ZNF385D: variants seen among roughly 807,000 people sequenced by gnomAD.
The protein encoded by ZNF385D is zinc finger protein 385D.
ZNF385D carries 15 observed loss-of-function variants against 35.8 expected under a neutral mutation model. That is an observed-to-expected ratio of 0.42 (90% confidence interval 0.28 to 0.64). ZNF385D has a LOEUF of 0.64. Ranked by LOEUF, ZNF385D falls within the 30% of genes least tolerant of loss-of-function variation. The pLI, the probability that ZNF385D is intolerant of heterozygous loss-of-function variation, is 0.23. For synonymous variants in ZNF385D, 212 were observed against 186.8 expected (o/e 1.13, Z -1.10); for missense variants, 474 against 494.6 (o/e 0.96, Z 0.39).
chr3:22,169,238 TTATC>T, intron 2 of ZNF385D, among the ~76,000 whole-genome samples: 1 of 152,342 alleles, frequency 6.6e-6, no homozygotes, highest in Middle Eastern at 3.4e-3. Context: ...GTTTAACTTT[TTATC>T]TATTCCCAAT....
intron 4 of ZNF385D, among the ~76,000 whole-genome samples, chr3:21,456,574 C>T (rs711734): frequency 0.11 from 17,414 of 151,764 alleles, 1,214 homozygotes; most frequent in South Asian, 0.15. Context: ...CATCACACAC[C>T]GGGGCCTGTT....
chr3:22,205,747 T>G (rs1697107584), intron 2 of ZNF385D, among the ~76,000 whole-genome samples: 1 of 151,718 alleles, frequency 6.6e-6, no homozygotes, highest in Admixed American at 6.6e-5. Context: ...TCTAAAATAT[T>G]ATAACAGATA....
intron 4 of ZNF385D, among the ~76,000 whole-genome samples, chr3:21,474,416 G>A (rs189360286): frequency 8.4e-4 from 128 of 152,202 alleles, no homozygotes; most frequent in Admixed American, 2.4e-3. Context: ...AGAAACAAAT[G>A]TGTGCTAAAT....
chr3:21,936,266 G>C (rs1001597974), intron 3 of ZNF385D, among the ~76,000 whole-genome samples: 15 of 152,136 alleles, frequency 9.9e-5, no homozygotes, highest in Non-Finnish European at 8.8e-5. Flanking sequence ...AGAGTTTAAA[G>C]AGAGAAGATA....
intron 2 of ZNF385D, among the ~76,000 whole-genome samples, chr3:22,336,002 C>G (rs990346199): frequency 1.3e-5 from 2 of 151,898 alleles, no homozygotes; most frequent in Non-Finnish European, 2.9e-5. Context: ...TATTCAGAGT[C>G]CACTAAAACA....
At chr3:22,119,532 T>C (rs1206330675) in intron 3 of ZNF385D, among the ~76,000 whole-genome samples, 1 of 152,136 alleles carries the variant, frequency 6.6e-6, no homozygotes, top group East Asian at 1.9e-4. Context: ...CTGGTTTTGA[T>C]TCCATAATGG....
At chr3:22,031,273 CAA>C (rs760276144) in intron 3 of ZNF385D, among the ~76,000 whole-genome samples, 15 of 152,226 alleles carry the variant, frequency 9.9e-5, no homozygotes, top group Non-Finnish European at 2.1e-4. Context: ...GTGGGGGCTC[CAA>C]GCCCACATTT....
At chr3:21,632,746 C>T (rs2065318411) in intron 2 of ZNF385D, among the ~76,000 whole-genome samples, 2 of 152,092 alleles carry the variant, frequency 1.3e-5, no homozygotes. Flanking sequence ...ATCATCTCTG[C>T]TGGATTGGCT....
chr3:22,250,689 C>A (rs150811708), intron 2 of ZNF385D, among the ~76,000 whole-genome samples: 1,882 of 152,122 alleles, frequency 0.012, 58 homozygotes, highest in South Asian at 0.087. Flanking sequence ...AGCCCCATGC[C>A]ATTGCACAGG....
intron 3 of ZNF385D, among the ~76,000 whole-genome samples, chr3:21,779,431 G>A (rs185417602): frequency 5.9e-4 from 90 of 151,800 alleles, no homozygotes; most frequent in Non-Finnish European, 9.9e-4. Flanking sequence ...TAAAGAGAGC[G>A]GATTGTTGCC....
chr3:21,667,221 G>T (rs1162560098), intron 1 of ZNF385D, among the ~76,000 whole-genome samples: 1 of 152,168 alleles, frequency 6.6e-6, no homozygotes, highest in Non-Finnish European at 1.5e-5. Context: ...GAGTGCTGTG[G>T]TGCCATTATG....
intron 4 of ZNF385D, among the ~76,000 whole-genome samples, chr3:21,475,021 T>C (rs1704143854): frequency 6.6e-6 from 1 of 152,088 alleles, no homozygotes; most frequent in South Asian, 2.1e-4. Context: ...TTATATATTT[T>C]TTCATATAGT....
chr3:21,946,297 T>C (rs1459460082), intron 3 of ZNF385D, among the ~76,000 whole-genome samples: 2 of 152,208 alleles, frequency 1.3e-5, no homozygotes, highest in African/African-American at 4.8e-5. Context: ...ACATTCTTTA[T>C]ATACACAAAA....
At chr3:21,571,670 C>T (rs1373998626) in intron 2 of ZNF385D, among the ~76,000 whole-genome samples, 1 of 152,162 alleles carries the variant, frequency 6.6e-6, no homozygotes, top group African/African-American at 2.4e-5. Context: ...GGTCCACAAG[C>T]CACCTGCATT....
intron 2 of ZNF385D, among the ~76,000 whole-genome samples, chr3:22,205,620 G>A (rs143681941): frequency 3.3e-5 from 5 of 152,024 alleles, no homozygotes; most frequent in Non-Finnish European, 5.9e-5. Context: ...CTAAAATGTG[G>A]AGTCTTCATT....
At chr3:21,479,554 C>A (rs1292261266) in intron 4 of ZNF385D, among the ~76,000 whole-genome samples, 2 of 152,044 alleles carry the variant, frequency 1.3e-5, no homozygotes, top group African/African-American at 4.8e-5. Flanking sequence ...CTTTGTATGG[C>A]AAAGGTATTT....
At chr3:21,516,086 C>T (rs922243501) in intron 3 of ZNF385D, among the ~76,000 whole-genome samples, 1 of 152,178 alleles carries the variant, frequency 6.6e-6, no homozygotes, top group Non-Finnish European at 1.5e-5. Context: ...TTCCACACCC[C>T]TATGATTGCA....
chr3:21,710,974 G>T (rs1325052462), intron 1 of ZNF385D, among the ~76,000 whole-genome samples: 2 of 147,530 alleles, frequency 1.4e-5, no homozygotes, highest in Admixed American at 6.8e-5. Flanking sequence ...CTATCATAGC[G>T]ATGTGACTTT....
At chr3:21,971,895 A>G (rs550698190) in intron 3 of ZNF385D, among the ~76,000 whole-genome samples, 58 of 152,098 alleles carry the variant, frequency 3.8e-4, no homozygotes, top group Non-Finnish European at 6.6e-4. Context: ...TAAAGGGATG[A>G]ATAAGGAGAT....
Sources: gnomAD v4.1 joint callset for allele counts (sites outside exome capture counted in the v4.1 genomes callset) on GRCh38, gnomAD v4.1.1 for gene constraint, MANE v1.5 for transcripts, NCBI Gene and HGNC (gene_info 2026-07-23, HGNC 2026-07-21) for gene names.